MTX3: variants seen among roughly 807,000 people sequenced by gnomAD.
MTX3 encodes the protein metaxin-3.
Under a neutral mutation model 42.5 loss-of-function variants are expected in MTX3, and 27 were observed. The ratio of observed to expected loss-of-function variants is 0.64; its 90% confidence interval spans 0.47 to 0.88. MTX3 has a LOEUF of 0.88. Ranked by LOEUF, MTX3 falls within the 40% of genes least tolerant of loss-of-function variation. MTX3 has a pLI of 0.00. For synonymous variants in MTX3, 144 were observed against 132.9 expected, an observed-to-expected ratio of 1.08 and a Z score of -0.57; for missense variants, 378 against 367.0, an observed-to-expected ratio of 1.03 and a Z score of -0.25.
At chr5:79,990,804 G>A in intron 1 of MTX3, 141 bp from the exon 2 acceptor site, 1 of 762,708 alleles carries the variant, frequency 1.3e-6, no homozygotes, top group Non-Finnish European at 2.3e-6. Context: ...ATCTCAAGTA[G>A]GGACGCGGGC....
rs1831347914 is a variant in MTX3 at position 79,980,473 on chromosome 5, T to G, written c.*3211A>C. ...AATACAAACAAACTTAAGTTGAAAT[T>G]TGGTTTGTTAATGCCCACCTTGTGT... On this transcript the variant is annotated 3_prime_UTR_variant, in exon 9 of 9. Transcript: ENST00000512528. 6.6e-6 allele frequency: 1 copy of G among 151,938 alleles called. No individual in the cohort carries two copies. 9.4% of individuals were successfully genotyped at this position (151,938 alleles called of 1,614,324 possible).
Position 79,983,527 on chromosome 5 carries a change from C to A in MTX3, c.*157G>T. 1 of 623,682 alleles carries A rather than the reference C, an allele frequency of 1.6e-6. No individual in the cohort carries two copies. Among genetic ancestry groups the A allele is most frequent in the Non-Finnish European group, 2.9e-6 (1 of 348,478 alleles). The allele number at this position is 623,682 out of a possible 1,614,324, so 38.6% of individuals were successfully genotyped here. A position where few individuals can be genotyped will look rare whatever the true frequency, so the allele number is the denominator to read the frequency against. Reference sequence around the variant, plus strand: ...CAGTGCCAAGCTAGAATACAAGCTTCCTAATAATAATAGTAAAAATAGATG... The same window carrying A: ...CAGTGCCAAGCTAGAATACAAGCTTACTAATAATAATAGTAAAAATAGATG... On this transcript the variant is annotated 3_prime_UTR_variant, in exon 9 of 9. Coordinates refer to ENST00000512528, the MANE Select transcript of MTX3 (RefSeq NM_001363818.2).
In MTX3 at chr5:79,982,387, A is replaced by T. The variant is rs1831392407; in HGVS notation, c.*1297T>A. On this transcript the variant is annotated 3_prime_UTR_variant, in exon 9 of 9. Coordinates refer to ENST00000512528, the MANE Select transcript of MTX3 (RefSeq NM_001363818.2). ...GATGAGTCTTTTGACTACAAAGCTC[A>T]TTTTCTTAACATATGGGTTCCTGCA... 1 of 456,646 alleles carries T rather than the reference A, an allele frequency of 2.2e-6. No individual in the cohort carries two copies. Among genetic ancestry groups the T allele is most frequent in the Non-Finnish European group, 4.4e-6 (1 of 226,924 alleles). The allele number at this position is 456,646 out of a possible 1,614,324, so 28.3% of individuals were successfully genotyped here. A position where few individuals can be genotyped will look rare whatever the true frequency, so the allele number is the denominator to read the frequency against.
Position 79,977,319 on chromosome 5 carries a change from A to T in MTX3, c.*6365T>A, listed in dbSNP as rs1202056580. The T allele has an allele frequency of 6.6e-6, 1 of 152,210 alleles. No homozygotes were observed. Among genetic ancestry groups the T allele is most frequent in the East Asian group, 1.9e-4 (1 of 5,200 alleles). 9.4% of individuals were successfully genotyped at this position (152,210 alleles called of 1,614,324 possible). A position where few individuals can be genotyped will look rare whatever the true frequency, so the allele number is the denominator to read the frequency against. On this transcript the variant is annotated 3_prime_UTR_variant, in exon 9 of 9. Transcript: ENST00000512528. ...CCCATGACCTTCTCTATGGTTCATG[A>T]CTTACTGAGGGCTGATGCAAACTCT...
At chr5:79,983,855 G>A in intron 8 of MTX3, 61 bp from the exon 9 acceptor site, 1 of 1,103,744 alleles carries the variant, frequency 9.1e-7, no homozygotes, top group Non-Finnish European at 1.4e-6. Context: ...GTGGACTGTG[G>A]CCTCCCCATC....
chr5:79,982,849 C>T lies in MTX3; in HGVS notation c.*835G>A, dbSNP rs1292648676. ...GTAGTGTCTAACAAGTGGGCAATTT[C>T]AGTAAGAATTTTACAGCCTAGCATA... is the stretch of plus-strand genomic sequence containing the variant. On this transcript the variant is annotated 3_prime_UTR_variant, in exon 9 of 9. Transcript: ENST00000512528. 1 of 158,458 alleles carries T rather than the reference C, an allele frequency of 6.3e-6. No homozygotes were observed. The highest frequency in any genetic ancestry group is 1.4e-5 in the Non-Finnish European group (1 of 72,060). The allele number at this position is 158,458 out of a possible 1,614,324, so 9.8% of individuals were successfully genotyped here.
Position 79,977,361 on chromosome 5 carries a change from T to C in MTX3, c.*6323A>G, listed in dbSNP as rs1831273201. 6.6e-6 allele frequency: 1 copy of C among 152,246 alleles called. No homozygotes were observed. The highest frequency in any genetic ancestry group is 6.5e-5 in the Admixed American group (1 of 15,286). The allele number at this position is 152,246 out of a possible 1,614,324, so 9.4% of individuals were successfully genotyped here. On this transcript the variant is annotated 3_prime_UTR_variant, in exon 9 of 9. Coordinates refer to ENST00000512528, the MANE Select transcript of MTX3 (RefSeq NM_001363818.2). ...GCAAACTCTGGCAAGTTATTTTTCA[T>C]GATTTCCAAGGATCTGGGATATGTA...
Position 79,987,619 on chromosome 5 carries a change from T to C in MTX3, c.582-512A>G, listed in dbSNP as rs190938612. Among the ~76,000 whole-genome samples the C allele has an allele frequency of 1.6e-3, 243 of 152,260 alleles. 2 individuals are homozygous for C. The highest frequency in any genetic ancestry group is 5.3e-3 in the African/African-American group (222 of 41,562). ...AAAAATTATGCAACCAAGGTTTTAC[T>C]CATTGAGTAGCTTAGACTCTAGGAG... is the stretch of plus-strand genomic sequence containing the variant. On this transcript the variant is annotated intron_variant, in intron 6 of 8. Coordinates refer to ENST00000512528, the MANE Select transcript of MTX3 (RefSeq NM_001363818.2).
At chr5:79,991,125 C>T in intron 1 of MTX3, 33 bp downstream of exon 1, 7 of 1,543,574 alleles carry the variant, frequency 4.5e-6, no homozygotes, top group Non-Finnish European at 6.1e-6. Flanking sequence ...CCCGCCCCTT[C>T]CTCCTGCGCC....
At position 79,980,477 on chromosome 5, in the gene MTX3, T is replaced by TTTGTTA. The variant is rs1446179527; in HGVS notation, c.*3201_*3206dup. 6.6e-6 allele frequency: 1 copy of TTTGTTA among 152,130 alleles called. No homozygotes were observed. Among genetic ancestry groups the TTTGTTA allele is most frequent in the Non-Finnish European group, 1.5e-5 (1 of 68,018 alleles). The allele number at this position is 152,130 out of a possible 1,614,324, so 9.4% of individuals were successfully genotyped here. Reference sequence around the variant, plus strand: ...CAAACAAACTTAAGTTGAAATTTGGTTTGTTAATGCCCACCTTGTGTGGTC... The same window carrying TTTGTTA: ...CAAACAAACTTAAGTTGAAATTTGGTTTGTTATTGTTAATGCCCACCTTGTGTGGTC... On this transcript the variant is annotated 3_prime_UTR_variant, in exon 9 of 9. Coordinates refer to ENST00000512528, the MANE Select transcript of MTX3 (RefSeq NM_001363818.2).
At position 79,981,848 on chromosome 5, in the gene MTX3, ATGTACT is replaced by A. The variant is rs1185633400; in HGVS notation, c.*1830_*1835del. 3 of 152,104 alleles carry A rather than the reference ATGTACT, an allele frequency of 2.0e-5. No individual in the cohort carries two copies. The South Asian group carries it at 6.2e-4, about 31-fold the overall frequency. The allele number at this position is 152,104 out of a possible 1,614,324, so 9.4% of individuals were successfully genotyped here. ...GTAATATACTTGTAATATACATGTAATGTACTTGTACGTTATAACTGTAATATATTT... is the reference window on the plus strand; with the variant it reads ...GTAATATACTTGTAATATACATGTAATGTACGTTATAACTGTAATATATTT... On this transcript the variant is annotated 3_prime_UTR_variant, in exon 9 of 9. Transcript: ENST00000512528.
At chr5:79,990,918 C>T in intron 1 of MTX3, 1 of 709,462 alleles carries the variant, frequency 1.4e-6, no homozygotes, top group East Asian at 2.7e-5. Flanking sequence ...ACCGCCCAGA[C>T]AGCTTTGTGA....
Position 79,980,553 on chromosome 5 carries a change from T to TA in MTX3, c.*3130_*3131insT, listed in dbSNP as rs1284418974. Reference sequence around the variant, plus strand: ...ACCTTCAATGTTCTTTACAGCTTCTTTAGTGTTACTTAAAAAAAAAAAAAA... The same window carrying TA: ...ACCTTCAATGTTCTTTACAGCTTCTTATAGTGTTACTTAAAAAAAAAAAAAA... On this transcript the variant is annotated 3_prime_UTR_variant, in exon 9 of 9. Transcript: ENST00000512528. 6.7e-5 allele frequency: 8 copies of TA among 119,748 alleles called. No individual in the cohort carries two copies. Among genetic ancestry groups the TA allele is most frequent in the Non-Finnish European group, 1.3e-4 (7 of 55,670 alleles). 7.4% of individuals were successfully genotyped at this position (119,748 alleles called of 1,614,324 possible). A position where few individuals can be genotyped will look rare whatever the true frequency, so the allele number is the denominator to read the frequency against.
chr5:79,988,184 G>T, intron 6 of MTX3, 55 bp downstream of exon 6: 1 of 976,326 alleles, frequency 1.0e-6, no homozygotes, highest in Non-Finnish European at 1.6e-6. Context: ...TTAAATAGCT[G>T]CTCACTGAAT....
At chr5:79,986,642 T>C (rs1480897788) in intron 7 of MTX3, 1 of 476,574 alleles carries the variant, frequency 2.1e-6, no homozygotes, top group South Asian at 1.6e-5. Context: ...CAGCAAAGAC[T>C]TAATACCTGT....
rs1440879429 is a variant in MTX3 at position 79,982,364 on chromosome 5, T to C, written c.*1320A>G. On this transcript the variant is annotated 3_prime_UTR_variant, in exon 9 of 9. Coordinates refer to ENST00000512528, the MANE Select transcript of MTX3 (RefSeq NM_001363818.2). The stretch of plus-strand genomic sequence containing the variant: ...TGAGCTCCACTCAGCTCAAATTAGA[T>C]GAGTCTTTTGACTACAAAGCTCATT... 2 of 456,362 alleles carry C rather than the reference T, an allele frequency of 4.4e-6. No homozygotes were observed. Among genetic ancestry groups the C allele is most frequent in the Admixed American group, 4.7e-5 (2 of 42,554 alleles). 28.3% of individuals were successfully genotyped at this position (456,362 alleles called of 1,614,324 possible). A position where few individuals can be genotyped will look rare whatever the true frequency, so the allele number is the denominator to read the frequency against.
intron 7 of MTX3, 143 bp from the exon 8 acceptor site, chr5:79,985,802 G>A: frequency 1.7e-6 from 1 of 594,940 alleles, no homozygotes; most frequent in Non-Finnish European, 2.9e-6. Flanking sequence ...AACCATTCTG[G>A]GTTTAAAGGC....
chr5:79,985,285 T>C (rs1561281901), intron 8 of MTX3, among the ~76,000 whole-genome samples: 1 of 152,116 alleles, frequency 6.6e-6, no homozygotes, highest in Non-Finnish European at 1.5e-5. Context: ...CCGGCCGCTT[T>C]GTTTTTTTAA....
At position 79,979,584 on chromosome 5, in the gene MTX3, T is replaced by C. The variant is rs531997885; in HGVS notation, c.*4100A>G. The C allele has an allele frequency of 2.0e-5, 3 of 152,288 alleles. No individual in the cohort carries two copies. The South Asian group carries it at 6.2e-4, about 32-fold the overall frequency. 9.4% of individuals were successfully genotyped at this position (152,288 alleles called of 1,614,324 possible). On this transcript the variant is annotated 3_prime_UTR_variant, in exon 9 of 9. Transcript: ENST00000512528. ...TGAGCATCTTGTCACACTGTGCATA[T>C]GGAGAGAGAACAAGTACAAGGCACG...
Sources: gnomAD v4.1 joint callset for allele counts (sites outside exome capture counted in the v4.1 genomes callset) on GRCh38, gnomAD v4.1.1 for gene constraint, MANE v1.5 for transcripts, NCBI Gene and HGNC (gene_info 2026-07-23, HGNC 2026-07-21) for gene names.